The following SSBP4 variants were observed in gnomAD, a reference collection of about 807,000 sequenced individuals.
SSBP4 encodes the protein single stranded DNA binding protein 4.
SSBP4 carries 33 observed loss-of-function variants against 64.6 expected under a neutral mutation model. The observed-to-expected ratio is 0.51, with a 90% CI of 0.39 to 0.68. The LOEUF is 0.68. SSBP4 is among the 30% of genes least tolerant of loss of function. The pLI, the probability that SSBP4 is intolerant of heterozygous loss-of-function variation, is 0.00. For missense variants in SSBP4, 583 were observed against 566.8 expected, an observed-to-expected ratio of 1.03 and a Z score of -0.29; for synonymous variants, 243 against 224.0, an observed-to-expected ratio of 1.08 and a Z score of -0.76.
At chr19:18,420,052 C>T (rs1390658352) in intron 1 of SSBP4, 1 of 155,400 alleles carries the variant, frequency 6.4e-6, no homozygotes, top group Non-Finnish European at 1.4e-5. Flanking sequence ...GCGAGATCCC[C>T]GAGCGGGTCT....
the SSBP4 span, among the ~76,000 whole-genome samples, chr19:18,412,442 C>G: frequency 1.8e-5 from 2 of 113,850 alleles, no homozygotes; most frequent in African/African-American, 7.2e-5. Context: ...GCCTGGGCAA[C>G]AGAATGAGAC....
chr19:18,406,561 T>C, the SSBP4 span, among the ~76,000 whole-genome samples: 1 of 151,558 alleles, frequency 6.6e-6, no homozygotes, highest in South Asian at 2.1e-4. Context: ...GGTGGGAGGA[T>C]CCGTTGGGCC....
chr19:18,431,725 G>T lies in SSBP4; in HGVS notation c.495+19G>T. 1 of 1,546,798 alleles carries T rather than the reference G, an allele frequency of 6.5e-7. No individual in the cohort carries two copies. Among genetic ancestry groups the T allele is most frequent in the Non-Finnish European group, 8.7e-7 (1 of 1,144,768 alleles). On this transcript the variant is annotated intron_variant, in intron 7 of 17. Transcript: ENST00000270061. ...GAGTCAGGTGAGAAAGGGATGAGGG[G>T]AGGGCGGGCAGGAGCTGGGCCGGGG...
the SSBP4 span, among the ~76,000 whole-genome samples, chr19:18,405,055 A>G: frequency 4.0e-5 from 6 of 151,248 alleles, no homozygotes; most frequent in South Asian, 8.4e-4. Flanking sequence ...CCCCGCCTCA[A>G]TTCAACCCCA....
chr19:18,431,326 C>T, intron 5 of SSBP4, 27 bp from the exon 6 acceptor site: 3 of 661,008 alleles, frequency 4.5e-6, no homozygotes, highest in Non-Finnish European at 8.1e-6. Context: ...CTCACTCCCC[C>T]CCACCCACCT....
Position 18,432,131 on chromosome 19 carries a change from C to A in SSBP4, c.637-16C>A. On this transcript the variant is annotated splice_polypyrimidine_tract_variant and intron_variant, in intron 9 of 17. Coordinates refer to ENST00000270061, the MANE Select transcript of SSBP4 (RefSeq NM_032627.5). ...CTGTCCCCGGTCTACCCCTCACAGC[C>A]CCTTTGCCTCCGCAGAGCTATGGAG... 6.2e-7 allele frequency: 1 copy of A among 1,612,554 alleles called. No homozygotes were observed. The highest frequency in any genetic ancestry group is 1.3e-5 in the African/African-American group (1 of 75,056).
At chr19:18,431,008 G>C in intron 5 of SSBP4, 78 bp downstream of exon 5, 1 of 1,515,558 alleles carries the variant, frequency 6.6e-7, no homozygotes, top group South Asian at 1.2e-5. Flanking sequence ...TCCCACGTGG[G>C]CAGAGGTCAT....
chr19:18,430,095 T>C (rs1316822903), intron 4 of SSBP4, among the ~76,000 whole-genome samples: 1 of 152,126 alleles, frequency 6.6e-6, no homozygotes, highest in African/African-American at 2.4e-5. Context: ...CCCATCACCT[T>C]CTTTTTGGGG....
chr19:18,424,744 C>T lies in SSBP4; in HGVS notation c.60-2607C>T, dbSNP rs1057503283. Among the ~76,000 whole-genome samples the T allele has an allele frequency of 4.0e-5, 6 of 151,744 alleles. No individual in the cohort carries two copies. In the East Asian group the frequency reaches 7.8e-4, roughly 20 times the overall value. ...AGATTTCCTTCGGTGTTTTTTTAAA[C>T]GCAGTGATGTTTGGGGACAGCTGGG... is the stretch of plus-strand genomic sequence containing the variant. On this transcript the variant is annotated intron_variant, in intron 1 of 17. Transcript: ENST00000270061.
chr19:18,412,562 C>A, the SSBP4 span, among the ~76,000 whole-genome samples: 1 of 151,722 alleles, frequency 6.6e-6, no homozygotes, highest in Non-Finnish European at 1.5e-5. Context: ...AGATCTGGTG[C>A]CTCCACTCCC....
At chr19:18,428,175 G>T (rs997984582) in intron 4 of SSBP4, among the ~76,000 whole-genome samples, 193 bp downstream of exon 4, 2 of 152,164 alleles carry the variant, frequency 1.3e-5, no homozygotes, top group African/African-American at 4.8e-5. Context: ...CCCTCCACTT[G>T]GTCCAGGGTC....
chr19:18,432,112 C>G (rs1257112900), intron 9 of SSBP4, 35 bp from the exon 10 acceptor site: 2 of 1,608,246 alleles, frequency 1.2e-6, no homozygotes, highest in Admixed American at 3.3e-5. Context: ...CGGGCTGTCC[C>G]CGGTCTACCC....
intron 15 of SSBP4, 98 bp downstream of exon 15, chr19:18,433,311 G>T: frequency 6.9e-7 from 1 of 1,445,650 alleles, no homozygotes. Context: ...GGGTGGAGGC[G>T]TCTAGTGGCG....
intron 1 of SSBP4, among the ~76,000 whole-genome samples, chr19:18,420,332 G>C (rs2144674792): frequency 6.6e-6 from 1 of 152,206 alleles, no homozygotes; most frequent in Admixed American, 6.5e-5. Flanking sequence ...ACTGAAGAGT[G>C]CATACTGAGG....
At chr19:18,421,356 A>C (rs1600286409) in intron 1 of SSBP4, among the ~76,000 whole-genome samples, 1 of 152,344 alleles carries the variant, frequency 6.6e-6, no homozygotes, top group South Asian at 2.1e-4. Context: ...GGTCGGAAGC[A>C]GGAGGTGTCT....
chr19:18,429,470 C>CG (rs72317419), intron 4 of SSBP4, among the ~76,000 whole-genome samples: 10,439 of 115,344 alleles, frequency 0.091, 527 homozygotes, highest in Non-Finnish European at 0.15. Flanking sequence ...TCGCAGGGGG[C>CG]GGGGGGGGGG....
Position 18,419,524 on chromosome 19 carries a change from C to G in SSBP4, c.-125C>G. The G allele has an allele frequency of 8.9e-7, 1 of 1,123,236 alleles. No homozygotes were observed. The highest frequency in any genetic ancestry group is 1.1e-6 in the Non-Finnish European group (1 of 917,120). 69.6% of individuals were successfully genotyped at this position (1,123,236 alleles called of 1,614,324 possible). Reference sequence around the variant, plus strand: ...TGGAGCTCCCCCGCGCGGACGATGCCTGCCGTGCCCGCCTGGGGCTCGGGG... The same window carrying G: ...TGGAGCTCCCCCGCGCGGACGATGCGTGCCGTGCCCGCCTGGGGCTCGGGG... On this transcript the variant is annotated 5_prime_UTR_variant, in exon 1 of 18. Transcript: ENST00000270061.
chr19:18,417,594 C>T (rs1972166732), upstream of SSBP4, among the ~76,000 whole-genome samples: 1 of 152,180 alleles, frequency 6.6e-6, no homozygotes, highest in African/African-American at 2.4e-5. This position sits in a 1 kb window ranked among gnomAD's most constrained non-coding sequence, Gnocchi z 5.4. Context: ...GCCCACGCCC[C>T]CCGTGGTCCC....
the SSBP4 span, among the ~76,000 whole-genome samples, chr19:18,404,045 GC>G: frequency 6.6e-6 from 1 of 151,664 alleles, no homozygotes; most frequent in Non-Finnish European, 1.5e-5. Context: ...ACACCAGCCC[GC>G]CCCCCAGCTA....
Sources: gnomAD v4.1 joint callset for allele counts (sites outside exome capture counted in the v4.1 genomes callset) on GRCh38, gnomAD v4.1.1 for gene constraint, Gnocchi (gnomAD v3.1) non-coding constraint, MANE v1.5 for transcripts, NCBI Gene and HGNC (gene_info 2026-07-23, HGNC 2026-07-21) for gene names.